MIPOL1: variants seen among roughly 807,000 people sequenced by gnomAD.
MIPOL1 encodes mirror-image polydactyly 1.
A neutral mutation model predicts 60.9 loss-of-function variants in MIPOL1; 57 were observed. That is an observed-to-expected ratio of 0.94 (90% CI 0.76 to 1.17). The LOEUF (loss-of-function observed/expected upper bound fraction) is 1.17, where lower values mean the gene tolerates loss of function less well. Ranked by LOEUF, MIPOL1 falls within the 50% of genes most tolerant of loss-of-function variation. The pLI is 0.00. For missense variants in MIPOL1, 551 were observed against 511.6 expected, an observed-to-expected ratio of 1.08 and a Z score of -0.74; for synonymous variants, 179 against 168.8, an observed-to-expected ratio of 1.06 and a Z score of -0.47.
rs60261464 is a variant in MIPOL1 at position 37,389,230 on chromosome 14, TA to T, written c.936+19615del. Reference sequence around the variant, plus strand: ...AACACTAAAAAAGAATGAAGGGTGGTAAAAAAAAACAAAAAACAGATTTTTA... The same window carrying T: ...AACACTAAAAAAGAATGAAGGGTGGTAAAAAAAACAAAAAACAGATTTTTA... On this transcript the variant is annotated intron_variant, in intron 10 of 12. Coordinates refer to ENST00000684589, the MANE Select transcript of MIPOL1 (RefSeq NM_001388067.1). Among the ~76,000 whole-genome samples, 10 of 150,254 alleles carry T rather than the reference TA, an allele frequency of 6.7e-5. No homozygotes were observed. The South Asian group carries it at 8.4e-4, about 13-fold the overall frequency.
At chr14:37,275,554 C>T (rs1360095803) in intron 6 of MIPOL1, among the ~76,000 whole-genome samples, 1 of 150,958 alleles carries the variant, frequency 6.6e-6, no homozygotes, top group Non-Finnish European at 1.5e-5. Flanking sequence ...TCAATTAAAC[C>T]TTTCATTTTT....
intron 3 of MIPOL1, among the ~76,000 whole-genome samples, chr14:37,250,592 A>G (rs546329876): frequency 6.6e-6 from 1 of 152,254 alleles, no homozygotes; most frequent in East Asian, 1.9e-4. Context: ...AAATATTTTA[A>G]CTTTCAAGTC....
chr14:37,198,603 C>CA (rs1412446748), intron 1 of MIPOL1, among the ~76,000 whole-genome samples: 2 of 151,068 alleles, frequency 1.3e-5, no homozygotes, highest in African/African-American at 4.9e-5. Flanking sequence ...TTTTTTGATT[C>CA]ACAATGTCCC....
chr14:37,452,614 G>T (rs182586111), intron 11 of MIPOL1, among the ~76,000 whole-genome samples: 9 of 152,292 alleles, frequency 5.9e-5, no homozygotes, highest in African/African-American at 2.2e-4. Flanking sequence ...ATCAGGTTTA[G>T]CCAGCTGAAA....
intron 3 of MIPOL1, among the ~76,000 whole-genome samples, chr14:37,251,212 C>A (rs758391348): frequency 2.0e-5 from 3 of 151,952 alleles, no homozygotes; most frequent in Admixed American, 1.3e-4. Flanking sequence ...AGGCATGAGT[C>A]ACTGTATCTG....
chr14:37,239,526 A>T (rs1261053382), intron 1 of MIPOL1, among the ~76,000 whole-genome samples: 1 of 150,710 alleles, frequency 6.6e-6, no homozygotes, highest in Non-Finnish European at 1.5e-5. Flanking sequence ...ATAATGTGGT[A>T]AAAAAAAGAG....
chr14:37,408,023 A>T (rs563659996), intron 10 of MIPOL1, among the ~76,000 whole-genome samples: 7 of 149,286 alleles, frequency 4.7e-5, no homozygotes, highest in South Asian at 4.2e-4. Flanking sequence ...CTAATTTTTT[A>T]TTTATTTATT....
At chr14:37,468,069 AAGAG>A (rs1311220061) in intron 11 of MIPOL1, among the ~76,000 whole-genome samples, 14 of 151,588 alleles carry the variant, frequency 9.2e-5, no homozygotes, top group Non-Finnish European at 1.9e-4. Flanking sequence ...AAAAAAAAAA[AAGAG>A]AGATCAGAGA....
At chr14:37,426,158 TTA>T (rs2093956555) in intron 11 of MIPOL1, among the ~76,000 whole-genome samples, 1 of 151,972 alleles carries the variant, frequency 6.6e-6, no homozygotes, top group Admixed American at 6.6e-5. Context: ...GGGATGGAAT[TTA>T]GAGTATCTGC....
intron 6 of MIPOL1, chr14:37,277,172 A>C (rs1204511504): frequency 1.3e-5 from 2 of 151,320 alleles, no homozygotes; most frequent in East Asian, 3.9e-4. Flanking sequence ...ATATGTAATT[A>C]AGGTATTTAA....
At chr14:37,532,804 A>G (rs2095487521) in intron 12 of MIPOL1, among the ~76,000 whole-genome samples, 1 of 152,192 alleles carries the variant, frequency 6.6e-6, no homozygotes, top group South Asian at 2.1e-4. Flanking sequence ...TGCTGTAAAT[A>G]TGTGCTTATT....
At chr14:37,463,874 T>C (rs542615405) in intron 11 of MIPOL1, among the ~76,000 whole-genome samples, 4 of 152,086 alleles carry the variant, frequency 2.6e-5, no homozygotes, top group Admixed American at 2.6e-4. Flanking sequence ...AACAAAGGAC[T>C]AACACCAAGA....
At chr14:37,398,351 C>T (rs904945717) in intron 10 of MIPOL1, among the ~76,000 whole-genome samples, 1 of 152,154 alleles carries the variant, frequency 6.6e-6, no homozygotes, top group African/African-American at 2.4e-5. Context: ...CAGGAGCACT[C>T]TACTTCCTTC....
chr14:37,481,554 C>T (rs2094865196), intron 11 of MIPOL1, among the ~76,000 whole-genome samples: 1 of 137,230 alleles, frequency 7.3e-6, no homozygotes, highest in Non-Finnish European at 1.6e-5. Flanking sequence ...CATATGGACC[C>T]CCCCCAACAC....
At chr14:37,321,039 C>A (rs2088526603) in intron 9 of MIPOL1, among the ~76,000 whole-genome samples, 1 of 152,004 alleles carries the variant, frequency 6.6e-6, no homozygotes, top group African/African-American at 2.4e-5. Context: ...AAGGATCCAG[C>A]TGTCAAATGT....
intron 9 of MIPOL1, among the ~76,000 whole-genome samples, chr14:37,337,454 C>A (rs184200774): frequency 1.4e-5 from 2 of 144,286 alleles, no homozygotes; most frequent in Admixed American, 7.0e-5. Flanking sequence ...CTGCAACCTC[C>A]GCCTCCCAGG....
chr14:37,473,693 G>A (rs981109831), intron 11 of MIPOL1, among the ~76,000 whole-genome samples: 2 of 152,142 alleles, frequency 1.3e-5, no homozygotes, highest in African/African-American at 4.8e-5. Context: ...TTGTATTGAT[G>A]TGGCACATTT....
chr14:37,364,739 G>GT (rs1398286900), intron 9 of MIPOL1, among the ~76,000 whole-genome samples: 2 of 152,106 alleles, frequency 1.3e-5, no homozygotes, highest in Non-Finnish European at 2.9e-5. Flanking sequence ...TTTTGGGATT[G>GT]TTTTTTCTAT....
chr14:37,292,327 T>C (rs1207336395), intron 7 of MIPOL1, among the ~76,000 whole-genome samples: 1 of 152,112 alleles, frequency 6.6e-6, no homozygotes, highest in Non-Finnish European at 1.5e-5. Flanking sequence ...CTAGTTTCTT[T>C]TGCATGTTTT....
Sources: gnomAD v4.1 joint callset for allele counts (sites outside exome capture counted in the v4.1 genomes callset) on GRCh38, gnomAD v4.1.1 for gene constraint, MANE v1.5 for transcripts, NCBI Gene and HGNC (gene_info 2026-07-23, HGNC 2026-07-21) for gene names.